NCOR2: variants seen among roughly 807,000 people sequenced by gnomAD.
NCOR2 encodes the protein CTG repeat protein 26.
Under a neutral mutation model 262.9 loss-of-function variants are expected in NCOR2, and 81 were observed. The observed-to-expected ratio is 0.31, with a 90% CI of 0.26 to 0.37. The LOEUF is 0.37. Among genes scored for constraint, NCOR2 ranks in the 10% least tolerant of loss-of-function variants. The pLI is 1.00. For synonymous variants in NCOR2, 1,659 were observed against 1,559.3 expected, an observed-to-expected ratio of 1.06 and a Z score of -1.51; for missense variants, 3,385 against 3,621.4, an observed-to-expected ratio of 0.93 and a Z score of 1.68.
chr12:124,324,725 T>C (rs966570553), exon 47 of NCOR2: 2 of 152,540 alleles, frequency 1.3e-5, no homozygotes, highest in Non-Finnish European at 2.9e-5. Context: ...ATCAAAAATA[T>C]ACCCTGTAAA....
At chr12:124,519,753 A>G (rs532344797) in intron 1 of NCOR2, among the ~76,000 whole-genome samples, 129 of 152,316 alleles carry the variant, frequency 8.5e-4, no homozygotes, top group African/African-American at 2.8e-3. Flanking sequence ...AGCAGCTCGG[A>G]CTGTGTGCCC....
At chr12:124,486,676 G>T in intron 1 of NCOR2, 108 bp from the exon 4 acceptor site, 1 of 1,359,174 alleles carries the variant, frequency 7.4e-7, no homozygotes, top group Non-Finnish European at 9.7e-7. Flanking sequence ...GCTCGCTCCT[G>T]CCCTAGGCAG....
intron 1 of NCOR2, among the ~76,000 whole-genome samples, chr12:124,505,127 G>C (rs904574664): frequency 1.3e-5 from 2 of 152,180 alleles, no homozygotes; most frequent in Non-Finnish European, 2.9e-5. Flanking sequence ...AGATAGGCTC[G>C]GCTTTCCCTA....
chr12:124,396,122 C>T (rs1036405351), intron 16 of NCOR2, among the ~76,000 whole-genome samples: 1 of 152,152 alleles, frequency 6.6e-6, no homozygotes, highest in Non-Finnish European at 1.5e-5. Flanking sequence ...ACGCCCAGAA[C>T]AGGCCAATCC....
chr12:124,426,314 A>G (rs1423744834), intron 11 of NCOR2, among the ~76,000 whole-genome samples: 1 of 152,184 alleles, frequency 6.6e-6, no homozygotes, highest in Non-Finnish European at 1.5e-5. Context: ...CACAGAGACA[A>G]AGGTCATGTG....
At chr12:124,332,415 T>C in exon 43 of NCOR2, 1 of 1,614,228 alleles carries the variant, frequency 6.2e-7, no homozygotes, top group Non-Finnish European at 8.5e-7. Flanking sequence ...GTCAGCTTGC[T>C]GAAGAAGGCT....
At chr12:124,404,359 G>A (rs1327313065) in intron 13 of NCOR2, among the ~76,000 whole-genome samples, 1 of 152,334 alleles carries the variant, frequency 6.6e-6, no homozygotes, top group Middle Eastern at 3.4e-3. Context: ...CGGGCTTGGT[G>A]TCTCCTGAGA....
chr12:124,338,158 G>A (rs1479593273), intron 37 of NCOR2, among the ~76,000 whole-genome samples: 1 of 152,144 alleles, frequency 6.6e-6, no homozygotes, highest in Non-Finnish European at 1.5e-5. Context: ...CGGCAAGTTG[G>A]GGCACAAGTA....
intron 1 of NCOR2, among the ~76,000 whole-genome samples, chr12:124,520,133 G>A (rs1166482872): frequency 3.3e-5 from 5 of 152,188 alleles, no homozygotes; most frequent in Admixed American, 1.3e-4. Flanking sequence ...TGAACAGCTG[G>A]CCCTCTAGCC....
intron 1 of NCOR2, among the ~76,000 whole-genome samples, chr12:124,511,685 C>T (rs1028721724): frequency 2.6e-5 from 4 of 152,152 alleles, no homozygotes; most frequent in Admixed American, 2.0e-4. Flanking sequence ...AGCAAGGCGT[C>T]CTTCCTGGAA....
chr12:124,401,557 G>A (rs988471204), intron 14 of NCOR2, among the ~76,000 whole-genome samples: 10 of 152,238 alleles, frequency 6.6e-5, no homozygotes, highest in East Asian at 5.8e-4. Flanking sequence ...ATCAAGGGCC[G>A]GGCATCATCT....
At chr12:124,430,274 G>A (rs549431545) in intron 9 of NCOR2, among the ~76,000 whole-genome samples, 2 of 152,182 alleles carry the variant, frequency 1.3e-5, no homozygotes, top group South Asian at 2.1e-4. Context: ...GGCTGACAGC[G>A]TGGTCTCTTA....
At position 124,534,198 on chromosome 12, in the gene NCOR2, T is replaced by C. The variant is rs573470204; in HGVS notation, c.-118+1367A>G. Among the ~76,000 whole-genome samples, 3 of 152,316 alleles carry C rather than the reference T, an allele frequency of 2.0e-5. No individual in the cohort carries two copies. The East Asian group carries it at 5.8e-4, about 29-fold the overall frequency. Reference sequence around the variant, plus strand: ...TTCTCTGGGCTTGGTGGCTCACACCTGTCATCCCAGCACTTTGGGAGGCCG... The same window carrying C: ...TTCTCTGGGCTTGGTGGCTCACACCCGTCATCCCAGCACTTTGGGAGGCCG... On this transcript the variant is annotated intron_variant, in intron 1 of 46. Coordinates refer to the NCOR2 transcript ENST00000404621.
intron 13 of NCOR2, among the ~76,000 whole-genome samples, chr12:124,407,748 G>A (rs2042353941): frequency 6.6e-6 from 1 of 152,188 alleles, no homozygotes; most frequent in Admixed American, 6.5e-5. Context: ...ACCGTCTGTG[G>A]CTCAATCTCA....
In NCOR2 at chr12:124,426,803, G is replaced by A. The variant is rs1335185845; in HGVS notation, c.1150-3C>T. 3.2e-6 allele frequency: 5 copies of A among 1,571,300 alleles called. No individual in the cohort carries two copies. Among genetic ancestry groups the A allele is most frequent in the Non-Finnish European group, 4.3e-6 (5 of 1,150,216 alleles). ...TGGCGCATCTGCTTCTCCAGGTTCTGCAGGGAAACGGAGGGCAGGGTCAGA... is the reference window on the plus strand; with the variant it reads ...TGGCGCATCTGCTTCTCCAGGTTCTACAGGGAAACGGAGGGCAGGGTCAGA... On this transcript the variant is annotated splice_region_variant and splice_polypyrimidine_tract_variant and intron_variant, in intron 10 of 46. Coordinates refer to ENST00000405201, the Ensembl canonical transcript of NCOR2.
chr12:124,560,961 G>A (rs1249966681), intron 1 of NCOR2, among the ~76,000 whole-genome samples: 4 of 152,346 alleles, frequency 2.6e-5, no homozygotes, highest in South Asian at 2.1e-4. Context: ...AGTCCATGAT[G>A]TATTAAGTCA....
At chr12:124,466,348 C>G in intron 4 of NCOR2, 62 bp from the exon 7 acceptor site, 2 of 1,502,700 alleles carry the variant, frequency 1.3e-6, no homozygotes, top group Non-Finnish European at 1.8e-6. Flanking sequence ...GGGCTGCAGC[C>G]CCCAGGGCGC....
At chr12:124,471,016 C>T (rs112951069) in intron 4 of NCOR2, among the ~76,000 whole-genome samples, 17 of 152,234 alleles carry the variant, frequency 1.1e-4, no homozygotes, top group African/African-American at 4.1e-4. Context: ...TGCCTGCCCA[C>T]GCCGCTGGGG....
chr12:124,429,724 A>G lies in NCOR2; in HGVS notation c.1056-18T>C. 6.3e-7 allele frequency: 1 copy of G among 1,585,360 alleles called. No homozygotes were observed. The highest frequency in any genetic ancestry group is 8.6e-7 in the Non-Finnish European group (1 of 1,165,402). ...CCACCCTGCTGGGGACCAAGGGGACACACTCAGGACCGGTCTTCTGGTGGT... is the reference window on the plus strand; with the variant it reads ...CCACCCTGCTGGGGACCAAGGGGACGCACTCAGGACCGGTCTTCTGGTGGT... On this transcript the variant is annotated intron_variant, in intron 9 of 46. Transcript: ENST00000405201.
Sources: allele counts gnomAD v4.1 joint callset (sites outside exome capture counted in the v4.1 genomes callset), GRCh38; gene constraint gnomAD v4.1.1; transcripts MANE v1.5; gene names NCBI Gene and HGNC (gene_info 2026-07-23, HGNC 2026-07-21).